Variants in TACC2 observed in about 807,000 individuals in gnomAD.
TACC2 encodes the protein transforming acidic coiled-coil containing protein 2, also known as transforming acidic coiled-coil-containing protein 2.
In TACC2, 137 loss-of-function variants were observed where a neutral mutation model predicts 227.3. That is an observed-to-expected ratio of 0.60 (90% CI 0.52 to 0.69). TACC2 has a LOEUF of 0.69. Ranked by LOEUF, TACC2 falls within the 30% of genes least tolerant of loss-of-function variation. TACC2 has a pLI of 0.00. For synonymous variants in TACC2, 1,523 were observed against 1,487.5 expected (o/e 1.02, Z -0.55); for missense variants, 3,470 against 3,694.4 (o/e 0.94, Z 1.57).
chr10:122,126,990 T>C (rs2087005491), intron 5 of TACC2: 1 of 152,612 alleles, frequency 6.6e-6, no homozygotes, highest in African/African-American at 2.4e-5. Context: ...ATGGGATTAG[T>C]GCCCTTATAA....
chr10:122,186,536 C>G (rs1042039981), intron 7 of TACC2, among the ~76,000 whole-genome samples: 11 of 151,838 alleles, frequency 7.2e-5, no homozygotes, highest in African/African-American at 2.7e-4. Flanking sequence ...TTTTTTGAAA[C>G]AGAGTCTTGC....
chr10:122,188,756 G>A lies in TACC2; in HGVS notation c.5835-6284G>A, dbSNP rs571730882. On this transcript the variant is annotated intron_variant, in intron 7 of 22. Coordinates refer to ENST00000369005, the MANE Select transcript of TACC2 (RefSeq NM_206862.4). ...TCAGGACGGCGATGGCCAGCGCCCC[G>A]GGAACCCCAGTAACATCACAACATA... is the stretch of plus-strand genomic sequence containing the variant. Among the ~76,000 whole-genome samples the A allele has an allele frequency of 9.2e-5, 14 of 152,306 alleles. No individual in the cohort carries two copies. The East Asian group carries it at 2.1e-3, about 23-fold the overall frequency.
intron 5 of TACC2, among the ~76,000 whole-genome samples, chr10:122,107,993 G>A (rs982653747): frequency 3.4e-5 from 5 of 147,138 alleles, no homozygotes; most frequent in African/African-American, 7.5e-5. Flanking sequence ...CTGGGTTCAC[G>A]CCATTCTCCC....
intron 7 of TACC2, among the ~76,000 whole-genome samples, chr10:122,148,712 C>T (rs1036117861): frequency 3.9e-5 from 6 of 152,358 alleles, no homozygotes; most frequent in South Asian, 2.1e-4. Context: ...CTGCTTCTTG[C>T]GGCTGCTGTG....
chr10:122,027,789 G>A (rs1360924363), intron 2 of TACC2, among the ~76,000 whole-genome samples: 1 of 150,564 alleles, frequency 6.6e-6, no homozygotes, highest in Admixed American at 6.6e-5. Flanking sequence ...TGTTGCCCAG[G>A]CTGGAGTGCA....
At chr10:122,126,885 A>G (rs1302084666) in intron 5 of TACC2, 1 of 152,256 alleles carries the variant, frequency 6.6e-6, no homozygotes, top group East Asian at 1.9e-4. Flanking sequence ...CTCAGCCCCG[A>G]AATTCCTGTG....
intron 1 of TACC2, among the ~76,000 whole-genome samples, chr10:122,008,417 G>A (rs7916113): frequency 1.3e-5 from 2 of 151,602 alleles, no homozygotes; most frequent in Non-Finnish European, 2.9e-5. Flanking sequence ...TGTGCCACCA[G>A]GCCTGGCTAA....
Position 122,230,459 on chromosome 10 carries a change from G to A in TACC2, c.8127+19G>A, listed in dbSNP as rs373729654. ...TGCCAAGGTACCGGTTTGCTGCTGCGTGCGCCACCTCCTGAGAATGTCATG... is the reference window on the plus strand; with the variant it reads ...TGCCAAGGTACCGGTTTGCTGCTGCATGCGCCACCTCCTGAGAATGTCATG... On this transcript the variant is annotated intron_variant, in intron 16 of 22. Transcript: ENST00000369005. The A allele has an allele frequency of 1.1e-5, 17 of 1,609,350 alleles. No individual in the cohort carries two copies. Among genetic ancestry groups the A allele is most frequent in the Middle Eastern group, 1.6e-4 (1 of 6,076 alleles).
intron 5 of TACC2, chr10:122,113,061 CCCT>C (rs1419253599): frequency 6.6e-6 from 1 of 152,338 alleles, no homozygotes; most frequent in African/African-American, 2.4e-5. Flanking sequence ...GCCACGCCGG[CCCT>C]GCGCCGTTGT....
chr10:122,235,310 A>G (rs1181944411), intron 16 of TACC2, among the ~76,000 whole-genome samples: 1 of 151,054 alleles, frequency 6.6e-6, no homozygotes, highest in Non-Finnish European at 1.5e-5. Flanking sequence ...CTGGTCTTGA[A>G]CTCCTGGCCT....
intron 7 of TACC2, among the ~76,000 whole-genome samples, chr10:122,167,979 C>T (rs768643775): frequency 2.1e-4 from 32 of 151,960 alleles, no homozygotes; most frequent in Non-Finnish European, 1.8e-4. Context: ...CTCCACCTTC[C>T]GGACTCAAGG....
intron 7 of TACC2, among the ~76,000 whole-genome samples, chr10:122,191,577 G>T (rs1463848532): frequency 1.3e-5 from 2 of 152,174 alleles, no homozygotes; most frequent in Admixed American, 1.3e-4. Flanking sequence ...TTTATGTTGG[G>T]CCGCATTCAA....
chr10:122,014,042 A>G (rs866152134), intron 1 of TACC2, among the ~76,000 whole-genome samples: 69 of 151,840 alleles, frequency 4.5e-4, no homozygotes, highest in Middle Eastern at 3.4e-3. Context: ...AAAAAAAAAG[A>G]TAATTTTTTC....
At chr10:122,132,535 G>GCGAAACTC in intron 5 of TACC2, 74 bp from the exon 6 acceptor site, 1 of 1,586,068 alleles carries the variant, frequency 6.3e-7, no homozygotes, top group Non-Finnish European at 8.6e-7. Context: ...GATAAGAAAA[G>GCGAAACTC]CGAAACTCCG....
At position 122,084,471 on chromosome 10, in the gene TACC2, T is replaced by C; in HGVS notation, c.1971T>C (p.Ser657=). The change falls in exon 4 of 23, where the codon TCT becomes TCC. Residue 657 remains serine, a synonymous_variant. Transcript: ENST00000369005. ...PHSQTAEADA[S]GLPHKLGEED... is the part of the protein sequence containing the mutation. ...CTCAGACAGCAGAGGCTGATGCATC[T>C]GGCCTACCACACAAGCTGGGTGAGG... 6.2e-7 allele frequency: 1 copy of C among 1,613,196 alleles called. No homozygotes were observed. Among genetic ancestry groups the C allele is most frequent in the African/African-American group, 1.3e-5 (1 of 75,056 alleles).
chr10:122,176,266 A>G (rs897117419), intron 7 of TACC2, among the ~76,000 whole-genome samples: 1 of 151,460 alleles, frequency 6.6e-6, no homozygotes, highest in East Asian at 1.9e-4. Context: ...ACATTTGTAA[A>G]CTCAGAGGTC....
chr10:122,166,937 T>C (rs1370160293), intron 7 of TACC2, among the ~76,000 whole-genome samples: 1 of 152,244 alleles, frequency 6.6e-6, no homozygotes, highest in Non-Finnish European at 1.5e-5. Flanking sequence ...TGAGTAAATG[T>C]GGGCTGCAGC....
At position 122,205,338 on chromosome 10, in the gene TACC2, CTGGTCGGTTT is replaced by C. The variant is rs1462616056; in HGVS notation, c.5972-5055_5972-5046del. On this transcript the variant is annotated intron_variant, in intron 8 of 22. Transcript: ENST00000369005. This position sits in a 1 kb window ranked among gnomAD's most constrained non-coding sequence, Gnocchi z 4.5. Reference sequence around the variant, plus strand: ...ATGGCACGGGCCTCCTGCTCTCTTGCTGGTCGGTTTTGGGTTTGGTTTCTTGAGCTGTCTG... The same window carrying C: ...ATGGCACGGGCCTCCTGCTCTCTTGCTGGGTTTGGTTTCTTGAGCTGTCTG... Among the ~76,000 whole-genome samples the C allele has an allele frequency of 2.0e-5, 3 of 152,170 alleles. No homozygotes were observed. Among genetic ancestry groups the C allele is most frequent in the Non-Finnish European group, 4.4e-5 (3 of 68,032 alleles).
At chr10:122,042,593 T>C (rs1405160233) in intron 2 of TACC2, among the ~76,000 whole-genome samples, 2 of 152,198 alleles carry the variant, frequency 1.3e-5, no homozygotes, top group Non-Finnish European at 2.9e-5. Flanking sequence ...CCAATGGGGC[T>C]CTTCATTAAT....
Sources: allele counts gnomAD v4.1 joint callset (sites outside exome capture counted in the v4.1 genomes callset), GRCh38; gene constraint gnomAD v4.1.1; non-coding constraint Gnocchi (gnomAD v3.1); transcripts MANE v1.5; gene names NCBI Gene and HGNC (gene_info 2026-07-23, HGNC 2026-07-21).